ROBO2: variants seen among roughly 807,000 people sequenced by gnomAD.
The protein encoded by ROBO2 is roundabout homolog 2.
A neutral mutation model predicts 160.8 loss-of-function variants in ROBO2; 53 were observed. The ratio of observed to expected loss-of-function variants is 0.33; its 90% CI spans 0.26 to 0.41. ROBO2 has a LOEUF of 0.41. ROBO2 is among the 10% of genes least tolerant of loss of function. The probability of loss-of-function intolerance (pLI) is 1.00; values close to 1 mark genes in which losing one functional copy is unlikely to be tolerated. For synonymous variants in ROBO2, 664 were observed against 611.7 expected (o/e 1.09, Z -1.26); for missense variants, 1,577 against 1,722.4 (o/e 0.92, Z 1.49).
chr3:77,563,143 G>GT (rs758687187), intron 10 of ROBO2, 24 bp from the exon 12 acceptor site: 3 of 1,611,984 alleles, frequency 1.9e-6, no homozygotes, highest in Non-Finnish European at 2.5e-6. Flanking sequence ...CAGGAATGAA[G>GT]TTTTTTCTGT....
At chr3:77,540,701 C>T (rs912394785) in intron 6 of ROBO2, among the ~76,000 whole-genome samples, 16 of 152,266 alleles carry the variant, frequency 1.1e-4, no homozygotes, top group African/African-American at 3.8e-4. Flanking sequence ...GTAACAAACC[C>T]GCACATCCTG....
chr3:76,620,329 G>A (rs2088964571), intron 2 of ROBO2, among the ~76,000 whole-genome samples: 1 of 152,156 alleles, frequency 6.6e-6, no homozygotes, highest in African/African-American at 2.4e-5. Context: ...GTTCTCAGAT[G>A]AAGATTAATC....
intron 2 of ROBO2, among the ~76,000 whole-genome samples, chr3:77,364,764 A>T (rs957244758): frequency 1.3e-5 from 2 of 152,202 alleles, no homozygotes. Context: ...GTTGAGAGGA[A>T]AACTTTCTCT....
At chr3:76,476,063 G>T (rs775596175) in intron 2 of ROBO2, among the ~76,000 whole-genome samples, 27 of 152,290 alleles carry the variant, frequency 1.8e-4, no homozygotes, top group Non-Finnish European at 3.4e-4. Flanking sequence ...CGAGGCAGGA[G>T]AATCACTTAA....
chr3:77,528,469 A>G (rs1256156637), intron 6 of ROBO2, among the ~76,000 whole-genome samples: 1 of 151,616 alleles, frequency 6.6e-6, no homozygotes, highest in East Asian at 1.9e-4. Flanking sequence ...TTGTTGCTAG[A>G]CAGTATGTTT....
chr3:76,928,973 A>T (rs2149040032), intron 2 of ROBO2, among the ~76,000 whole-genome samples: 1 of 152,140 alleles, frequency 6.6e-6, no homozygotes, highest in African/African-American at 2.4e-5. Context: ...AAACACCCCA[A>T]CCTGGGCCGG....
intron 21 of ROBO2, among the ~76,000 whole-genome samples, chr3:77,616,145 T>C (rs973522632): frequency 6.6e-6 from 1 of 152,052 alleles, no homozygotes; most frequent in South Asian, 2.1e-4. Context: ...TTAATTCCAT[T>C]TGGAGTGGGG....
intron 2 of ROBO2, among the ~76,000 whole-genome samples, chr3:77,295,744 A>G (rs954254107): frequency 6.6e-6 from 1 of 151,498 alleles, no homozygotes; most frequent in African/African-American, 2.4e-5. Context: ...TAAACGGGTA[A>G]GCTGAGGCTA....
At chr3:76,528,375 G>A (rs1311497507) in intron 2 of ROBO2, among the ~76,000 whole-genome samples, 1 of 152,024 alleles carries the variant, frequency 6.6e-6, no homozygotes, top group East Asian at 1.9e-4. Flanking sequence ...GAGAAGGTGG[G>A]TAGAATTGAT....
intron 2 of ROBO2, among the ~76,000 whole-genome samples, chr3:76,627,618 A>C (rs1383434665): frequency 6.6e-6 from 1 of 152,200 alleles, no homozygotes; most frequent in Non-Finnish European, 1.5e-5. Context: ...TAAAATTTAC[A>C]TTTACTAAGC....
At chr3:77,297,049 TA>T (rs1192684375) in intron 2 of ROBO2, among the ~76,000 whole-genome samples, 1 of 152,018 alleles carries the variant, frequency 6.6e-6, no homozygotes, top group Non-Finnish European at 1.5e-5. Flanking sequence ...TTTTTTTTTT[TA>T]GTCTGGAGTT....
chr3:77,034,061 A>G (rs554140542), intron 2 of ROBO2, among the ~76,000 whole-genome samples: 1 of 150,650 alleles, frequency 6.6e-6, no homozygotes, highest in South Asian at 2.1e-4. Context: ...AAAAGCCAAA[A>G]TTGCTCAGAG....
At chr3:77,592,369 G>A (rs908790755) in intron 17 of ROBO2, among the ~76,000 whole-genome samples, 15 of 151,874 alleles carry the variant, frequency 9.9e-5, no homozygotes, top group Non-Finnish European at 1.8e-4. Flanking sequence ...TAATGATGAC[G>A]GGAACAGAAA....
intron 2 of ROBO2, among the ~76,000 whole-genome samples, chr3:76,308,802 C>T (rs986568895): frequency 3.9e-5 from 6 of 152,132 alleles, no homozygotes; most frequent in African/African-American, 7.2e-5. Flanking sequence ...TTTCAATTTC[C>T]CCATCAGAGA....
In ROBO2 at chr3:77,649,558, C is replaced by G. The variant is rs562844533; in HGVS notation, c.*3503C>G. ...ATGGAATTACATGGCAAGAACTGTT[C>G]TAAAGCAACATGTCTTTCCACATTA... On this transcript the variant is annotated 3_prime_UTR_variant, in exon 26 of 26. Transcript: ENST00000461745. 2.0e-5 allele frequency: 3 copies of G among 152,260 alleles called. No homozygotes were observed. In the South Asian group the frequency reaches 6.2e-4, roughly 32 times the overall value. The allele number at this position is 152,260 out of a possible 1,614,324, so 9.4% of individuals were successfully genotyped here.
chr3:76,798,140 GAGAAAGAA>G (rs146844266), intron 2 of ROBO2, among the ~76,000 whole-genome samples: 1,787 of 115,650 alleles, frequency 0.015, 34 homozygotes, highest in African/African-American at 0.044. Flanking sequence ...AAAGAAGAAA[GAGAAAGAA>G]AGAAAGAAAG....
At chr3:76,279,832 G>A (rs140841200) in intron 2 of ROBO2, among the ~76,000 whole-genome samples, 2,651 of 151,946 alleles carry the variant, frequency 0.017, 29 homozygotes, top group Middle Eastern at 0.031. Context: ...TCTTGACTAT[G>A]ATCCCTAATA....
chr3:77,645,029 C>A, intron 25 of ROBO2, 125 bp downstream of exon 27: 1 of 958,620 alleles, frequency 1.0e-6, no homozygotes, highest in Non-Finnish European at 1.6e-6. Flanking sequence ...CAATCAATTG[C>A]AATTTTCAAC....
At chr3:76,187,306 A>G (rs2107151132) in intron 2 of ROBO2, among the ~76,000 whole-genome samples, 1 of 152,154 alleles carries the variant, frequency 6.6e-6, no homozygotes, top group South Asian at 2.1e-4. Context: ...ACAAGGTCTT[A>G]GTCTGTTGCC....
Sources: allele counts gnomAD v4.1 joint callset (sites outside exome capture counted in the v4.1 genomes callset), GRCh38; gene constraint gnomAD v4.1.1; transcripts MANE v1.5; gene names NCBI Gene and HGNC (gene_info 2026-07-23, HGNC 2026-07-21).